The following ZNF654 variants were observed in gnomAD, a reference collection of about 807,000 sequenced individuals.
The protein encoded by ZNF654 is melanoma-associated antigen.
Under a neutral mutation model 95.3 loss-of-function variants are expected in ZNF654, and 19 were observed. The ratio of observed to expected loss-of-function variants is 0.20; its 90% CI spans 0.14 to 0.29. The LOEUF is 0.29. Ranked by LOEUF, ZNF654 falls within the 10% of genes least tolerant of loss-of-function variation. The pLI is 1.00. For missense variants in ZNF654, 1,046 were observed against 1,341.0 expected, an observed-to-expected ratio of 0.78 and a Z score of 3.44; for synonymous variants, 413 against 457.9, an observed-to-expected ratio of 0.90 and a Z score of 1.25.
intron 1 of ZNF654, among the ~76,000 whole-genome samples, chr3:88,071,631 A>C (rs953111568): frequency 2.3e-5 from 2 of 87,376 alleles, no homozygotes; most frequent in Non-Finnish European, 4.8e-5. Flanking sequence ...GCGAGACTCC[A>C]TCTCAAAAAC....
Position 88,139,426 on chromosome 3 carries a change from T to C in ZNF654, c.1757T>C (p.Leu586Pro). 6.2e-7 allele frequency: 1 copy of C among 1,613,830 alleles called. No individual in the cohort carries two copies. Among genetic ancestry groups the C allele is most frequent in the South Asian group, 1.1e-5 (1 of 91,068 alleles). ...ICGRKFRNRG[L>P]MQKHLKNHVK... ...GGTAGGAAATTTAGAAACAGAGGACTTATGCAGAAGCATTTGAAGAATCAT... is the reference window on the plus strand; with the variant it reads ...GGTAGGAAATTTAGAAACAGAGGACCTATGCAGAAGCATTTGAAGAATCAT... Residue 586 changes from leucine (L) to proline (P), a missense_variant, in exon 8 of 9, where the codon CTT becomes CCT. Leu to Pro is a moderately conservative substitution (Grantham distance 98). Transcript: ENST00000636215.
intron 6 of ZNF654, among the ~76,000 whole-genome samples, chr3:88,134,365 T>G (rs747556498): frequency 1.8e-4 from 28 of 152,126 alleles, no homozygotes; most frequent in Non-Finnish European, 4.0e-4. Context: ...TATGATGCTT[T>G]GTACACTTTT....
At chr3:88,075,282 C>T (rs1707738833) in intron 1 of ZNF654, among the ~76,000 whole-genome samples, 1 of 152,196 alleles carries the variant, frequency 6.6e-6, no homozygotes, top group Non-Finnish European at 1.5e-5. Flanking sequence ...ATAGTCATTT[C>T]CTTGCAGCCT....
chr3:88,080,039 C>G (rs532527341), intron 1 of ZNF654, among the ~76,000 whole-genome samples: 160 of 150,106 alleles, frequency 1.1e-3, no homozygotes, highest in Non-Finnish European at 2.0e-3. Flanking sequence ...CTTTTTTTTT[C>G]CAAACAATTT....
At chr3:88,059,971 C>T (rs985252496) in intron 1 of ZNF654, among the ~76,000 whole-genome samples, 2 of 151,970 alleles carry the variant, frequency 1.3e-5, no homozygotes, top group African/African-American at 4.8e-5. Flanking sequence ...TCTTTCCTGT[C>T]ACTGCCACTG....
At chr3:88,109,827 CAT>C (rs1398138197) in intron 2 of ZNF654, among the ~76,000 whole-genome samples, 1 of 151,924 alleles carries the variant, frequency 6.6e-6, no homozygotes, top group Non-Finnish European at 1.5e-5. Flanking sequence ...ATATTAAACA[CAT>C]TTATTGTAGA....
At chr3:88,083,522 C>G (rs1049784691) in intron 1 of ZNF654, among the ~76,000 whole-genome samples, 1 of 152,156 alleles carries the variant, frequency 6.6e-6, no homozygotes, top group Non-Finnish European at 1.5e-5. Flanking sequence ...TAGCGTGCTT[C>G]TGGCCTTGGC....
chr3:88,116,589 T>TTA (rs1553698280), intron 3 of ZNF654, among the ~76,000 whole-genome samples: 2 of 133,020 alleles, frequency 1.5e-5, no homozygotes, highest in African/African-American at 3.0e-5. Flanking sequence ...TGCACATATA[T>TTA]TATATATATG....
intron 6 of ZNF654, 97 bp from the exon 7 acceptor site, chr3:88,134,964 A>G (rs1395326344): frequency 7.0e-6 from 6 of 856,526 alleles, no homozygotes; most frequent in Non-Finnish European, 9.7e-6. Flanking sequence ...ACTCATATAC[A>G]TCCCAGCCAG....
chr3:88,109,650 C>G (rs1450048929), intron 2 of ZNF654, among the ~76,000 whole-genome samples: 1 of 152,078 alleles, frequency 6.6e-6, no homozygotes, highest in African/African-American at 2.4e-5. Context: ...TAGACCTGCA[C>G]AGTTTAAATC....
intron 1 of ZNF654, among the ~76,000 whole-genome samples, chr3:88,077,287 C>A (rs1355227503): frequency 2.0e-5 from 3 of 150,854 alleles, no homozygotes; most frequent in Non-Finnish European, 4.4e-5. Flanking sequence ...TTTGCCCTGG[C>A]TTATGTTGGT....
chr3:88,130,213 G>T (rs1420620432), intron 6 of ZNF654, among the ~76,000 whole-genome samples: 1 of 151,846 alleles, frequency 6.6e-6, no homozygotes, highest in Non-Finnish European at 1.5e-5. Flanking sequence ...ACTCTTCAGG[G>T]GCTATTAAGA....
intron 2 of ZNF654, among the ~76,000 whole-genome samples, chr3:88,092,424 A>G (rs1473199286): frequency 6.6e-6 from 1 of 152,160 alleles, no homozygotes; most frequent in Admixed American, 6.6e-5. Context: ...TACAGAATGC[A>G]ATGAGAGGGC....
At chr3:88,081,417 T>C (rs1484165763) in intron 1 of ZNF654, among the ~76,000 whole-genome samples, 1 of 152,176 alleles carries the variant, frequency 6.6e-6, no homozygotes, top group East Asian at 1.9e-4. Context: ...TTTCACTCAC[T>C]ATTAGCATCG....
At chr3:88,115,217 C>T (rs1320118043) in intron 3 of ZNF654, among the ~76,000 whole-genome samples, 1 of 152,152 alleles carries the variant, frequency 6.6e-6, no homozygotes, top group Non-Finnish European at 1.5e-5. Flanking sequence ...ATTAATGCTG[C>T]TAGTCCCTGA....
At chr3:88,102,937 A>G (rs1368317694) in intron 2 of ZNF654, among the ~76,000 whole-genome samples, 1 of 150,964 alleles carries the variant, frequency 6.6e-6, no homozygotes, top group Non-Finnish European at 1.5e-5. Context: ...CCCATAACCC[A>G]GGTGGTAAGC....
At chr3:88,136,327 A>T (rs1706782155) in intron 7 of ZNF654, among the ~76,000 whole-genome samples, 1 of 152,210 alleles carries the variant, frequency 6.6e-6, no homozygotes, top group Admixed American at 6.5e-5. Flanking sequence ...CTGCAAATAT[A>T]TTATAAAAGG....
chr3:88,121,813 T>C (rs1705785716), intron 3 of ZNF654, among the ~76,000 whole-genome samples: 1 of 152,224 alleles, frequency 6.6e-6, no homozygotes, highest in African/African-American at 2.4e-5. Context: ...TTTGCTGCAG[T>C]AACTTGCTTA....
chr3:88,110,085 A>G (rs2107754811), intron 2 of ZNF654, among the ~76,000 whole-genome samples: 1 of 152,248 alleles, frequency 6.6e-6, no homozygotes, highest in South Asian at 2.1e-4. Context: ...GTTAATAAAT[A>G]ATGGTTGTAC....
Sources: allele counts gnomAD v4.1 joint callset (sites outside exome capture counted in the v4.1 genomes callset), GRCh38; gene constraint gnomAD v4.1.1; transcripts MANE v1.5; gene names NCBI Gene and HGNC (gene_info 2026-07-23, HGNC 2026-07-21).